Variants in SPAG16 observed in about 807,000 individuals in gnomAD.
SPAG16 encodes the protein sperm-associated antigen 16 protein.
Under a neutral mutation model 80.4 loss-of-function variants are expected in SPAG16, and 86 were observed. That is an observed-to-expected ratio of 1.07 (90% confidence interval 0.90 to 1.28). The LOEUF (loss-of-function observed/expected upper bound fraction) is 1.28, where lower values mean the gene tolerates loss of function less well. SPAG16 is among the 50% of genes most tolerant of loss of function. The pLI, the probability that SPAG16 is intolerant of heterozygous loss-of-function variation, is 0.00. For synonymous variants in SPAG16, 294 were observed against 265.9 expected, an observed-to-expected ratio of 1.11 and a Z score of -1.03; for missense variants, 870 against 765.3, an observed-to-expected ratio of 1.14 and a Z score of -1.61.
chr2:213,861,912 C>T (rs2075482946), intron 10 of SPAG16, among the ~76,000 whole-genome samples: 1 of 152,146 alleles, frequency 6.6e-6, no homozygotes, highest in Admixed American at 6.6e-5. Context: ...TGTGCATTGA[C>T]TGAAGCCAAT....
At chr2:214,299,249 T>C (rs1694372381) in intron 15 of SPAG16, among the ~76,000 whole-genome samples, 1 of 140,338 alleles carries the variant, frequency 7.1e-6, no homozygotes, top group Non-Finnish European at 1.5e-5. Flanking sequence ...TATACTTTTT[T>C]TTTTTTTTTT....
intron 15 of SPAG16, among the ~76,000 whole-genome samples, chr2:214,391,405 A>G (rs2126127829): frequency 6.6e-6 from 1 of 152,340 alleles, no homozygotes; most frequent in South Asian, 2.1e-4. Flanking sequence ...TTTAAACTAT[A>G]TTCCTAAAAC....
At chr2:213,402,924 A>G (rs1049902980) in intron 9 of SPAG16, among the ~76,000 whole-genome samples, 6 of 152,102 alleles carry the variant, frequency 3.9e-5, no homozygotes, top group Non-Finnish European at 8.8e-5. Context: ...ATGATTTATA[A>G]TCCTTTGGGT....
intron 9 of SPAG16, among the ~76,000 whole-genome samples, chr2:213,424,235 A>G (rs190730732): frequency 6.6e-6 from 1 of 152,344 alleles, no homozygotes; most frequent in Non-Finnish European, 1.5e-5. Context: ...GGAAATTTTC[A>G]AAGACACTCA....
Position 214,168,082 on chromosome 2 carries a change from C to T in SPAG16, c.1720+18816C>T, listed in dbSNP as rs552799581. ...CTGAGCTCACTGCAACTCCGTCTCC[C>T]GAGGTCAAAGGATTCTCCCACCTCA... is the stretch of plus-strand genomic sequence containing the variant. On this transcript the variant is annotated intron_variant, in intron 15 of 15. Coordinates refer to ENST00000331683, the MANE Select transcript of SPAG16 (RefSeq NM_024532.5). 3.3e-5 allele frequency among the ~76,000 whole-genome samples: 5 copies of T among 150,224 alleles called. No individual in the cohort carries two copies. The South Asian group carries it at 6.3e-4, about 19-fold the overall frequency.
intron 15 of SPAG16, among the ~76,000 whole-genome samples, chr2:214,289,357 T>G (rs1693621367): frequency 6.6e-6 from 1 of 152,208 alleles, no homozygotes; most frequent in Admixed American, 6.5e-5. Context: ...TTCTAGTATT[T>G]TTACAGTTCC....
chr2:214,290,011 G>A (rs929880795), intron 15 of SPAG16, among the ~76,000 whole-genome samples: 1 of 152,018 alleles, frequency 6.6e-6, no homozygotes, highest in Admixed American at 6.6e-5. Context: ...TTCTTTATAT[G>A]TTTGGTAGAA....
intron 12 of SPAG16, among the ~76,000 whole-genome samples, chr2:214,006,060 G>A (rs1202449578): frequency 1.3e-5 from 2 of 152,070 alleles, no homozygotes; most frequent in East Asian, 3.9e-4. Flanking sequence ...TCTTACTAAG[G>A]GTTAATATGG....
At chr2:213,395,062 A>G (rs575476557) in intron 9 of SPAG16, among the ~76,000 whole-genome samples, 12 of 152,288 alleles carry the variant, frequency 7.9e-5, no homozygotes, top group African/African-American at 2.9e-4. Flanking sequence ...TGCAAGATCT[A>G]TAGTGATACC....
intron 15 of SPAG16, among the ~76,000 whole-genome samples, chr2:214,190,798 G>A (rs940468908): frequency 6.6e-6 from 1 of 152,052 alleles, no homozygotes; most frequent in African/African-American, 2.4e-5. Context: ...AACCAGGAAG[G>A]CGCCCTCACC....
At chr2:213,493,746 T>C (rs987934171) in intron 10 of SPAG16, among the ~76,000 whole-genome samples, 4 of 152,190 alleles carry the variant, frequency 2.6e-5, no homozygotes, top group African/African-American at 9.7e-5. Context: ...TGGCTAATTT[T>C]TGTATTTTTA....
intron 13 of SPAG16, among the ~76,000 whole-genome samples, chr2:214,069,063 A>T (rs1490733301): frequency 6.6e-6 from 1 of 152,166 alleles, no homozygotes; most frequent in Non-Finnish European, 1.5e-5. Context: ...AATATATTTC[A>T]TAAGATCAAA....
chr2:214,285,734 C>T lies in SPAG16; in HGVS notation c.1721-124406C>T, dbSNP rs532826084. ...AGGAGAATCACTTGAACCTGGGAGG[C>T]GGAGGTTGCAGTGAACCAAGATCAC... On this transcript the variant is annotated intron_variant, in intron 15 of 15. Transcript: ENST00000331683. Among the ~76,000 whole-genome samples, 4 of 152,056 alleles carry T rather than the reference C, an allele frequency of 2.6e-5. No individual in the cohort carries two copies. The East Asian group carries it at 7.7e-4, about 29-fold the overall frequency.
rs532721591 is a variant in SPAG16 at position 213,730,885 on chromosome 2, C to T, written c.1071-131600C>T. Among the ~76,000 whole-genome samples, 5 of 152,260 alleles carry T rather than the reference C, an allele frequency of 3.3e-5. No homozygotes were observed. The East Asian group carries it at 9.6e-4, about 29-fold the overall frequency. ...TTTACTTGTTTGTTACTTTGCACTT[C>T]GGGTTGGGAAGTTTCTAATGACCAA... On this transcript the variant is annotated intron_variant, in intron 10 of 15. Coordinates refer to ENST00000331683, the MANE Select transcript of SPAG16 (RefSeq NM_024532.5).
intron 10 of SPAG16, among the ~76,000 whole-genome samples, chr2:213,592,630 C>G (rs960844865): frequency 2.6e-5 from 4 of 152,104 alleles, no homozygotes; most frequent in Non-Finnish European, 5.9e-5. Flanking sequence ...CCTTGGGGAC[C>G]TGTGGGAAGT....
chr2:214,313,521 T>A (rs1695472437), intron 15 of SPAG16, among the ~76,000 whole-genome samples: 1 of 152,120 alleles, frequency 6.6e-6, no homozygotes, highest in African/African-American at 2.4e-5. Flanking sequence ...TACCTCCTTG[T>A]AAGGCTTAAA....
intron 10 of SPAG16, among the ~76,000 whole-genome samples, chr2:213,774,452 G>T (rs1284394242): frequency 1.3e-5 from 2 of 152,076 alleles, no homozygotes; most frequent in Non-Finnish European, 2.9e-5. Flanking sequence ...TCTGCATGTG[G>T]TCATCTTCTT....
chr2:214,358,088 A>G (rs1378146168), intron 15 of SPAG16, among the ~76,000 whole-genome samples: 1 of 151,884 alleles, frequency 6.6e-6, no homozygotes, highest in Non-Finnish European at 1.5e-5. Flanking sequence ...CAATTTACTC[A>G]ATGTTGGCGT....
chr2:213,817,006 A>C (rs1420149749), intron 10 of SPAG16, among the ~76,000 whole-genome samples: 3 of 151,914 alleles, frequency 2.0e-5, no homozygotes, highest in African/African-American at 7.2e-5. Flanking sequence ...CCAGGGTCTT[A>C]GATGGAGTAT....
Sources: allele counts gnomAD v4.1 joint callset (sites outside exome capture counted in the v4.1 genomes callset), GRCh38; gene constraint gnomAD v4.1.1; transcripts MANE v1.5; gene names NCBI Gene and HGNC (gene_info 2026-07-23, HGNC 2026-07-21).